ADGRL2: variants seen among roughly 807,000 people sequenced by gnomAD.
The protein encoded by ADGRL2 is adhesion G protein-coupled receptor L2.
Under a neutral mutation model 157.4 loss-of-function variants are expected in ADGRL2, and 44 were observed. The ratio of observed to expected loss-of-function variants is 0.28; its 90% CI spans 0.22 to 0.36. ADGRL2 has a LOEUF of 0.36. ADGRL2 is among the 10% of genes least tolerant of loss of function. ADGRL2 has a pLI of 1.00. For synonymous variants in ADGRL2, 585 were observed against 624.7 expected, an observed-to-expected ratio of 0.94 and a Z score of 0.95; for missense variants, 1,510 against 1,768.9, an observed-to-expected ratio of 0.85 and a Z score of 2.63.
chr1:81,957,313 A>G (rs1201916881), intron 11 of ADGRL2, among the ~76,000 whole-genome samples: 1 of 152,208 alleles, frequency 6.6e-6, no homozygotes, highest in Non-Finnish European at 1.5e-5. Context: ...TTATAGATCC[A>G]AGATATTTTT....
At chr1:81,406,063 A>G (rs2076848901) in intron 1 of ADGRL2, among the ~76,000 whole-genome samples, 1 of 152,220 alleles carries the variant, frequency 6.6e-6, no homozygotes, top group African/African-American at 2.4e-5. Context: ...CTTTAAGCAT[A>G]CATTAAAGTA....
intron 1 of ADGRL2, among the ~76,000 whole-genome samples, chr1:81,415,931 C>G (rs1229274424): frequency 6.6e-6 from 1 of 151,812 alleles, no homozygotes; most frequent in African/African-American, 2.4e-5. Context: ...AGCTCGGCCT[C>G]CCGGGTTCAT....
At chr1:81,756,232 C>T (rs1221297008) in intron 1 of ADGRL2, among the ~76,000 whole-genome samples, 1 of 152,130 alleles carries the variant, frequency 6.6e-6, no homozygotes, top group Non-Finnish European at 1.5e-5. Flanking sequence ...CTCATATCTT[C>T]CATAAAACTA....
intron 2 of ADGRL2, among the ~76,000 whole-genome samples, chr1:81,790,073 A>C (rs1340924999): frequency 6.6e-6 from 1 of 152,174 alleles, no homozygotes; most frequent in African/African-American, 2.4e-5. Flanking sequence ...TGTTGATTCC[A>C]ATTTCTGAGG....
intron 1 of ADGRL2, among the ~76,000 whole-genome samples, chr1:81,746,960 ATATACACACG>A (rs1316385261): frequency 6.8e-6 from 1 of 146,818 alleles, no homozygotes; most frequent in Non-Finnish European, 1.5e-5. Flanking sequence ...GTATATACGT[ATATACACACG>A]TATACACACG....
intron 2 of ADGRL2, among the ~76,000 whole-genome samples, chr1:81,895,635 T>C (rs969147258): frequency 2.6e-5 from 4 of 152,122 alleles, no homozygotes; most frequent in Admixed American, 6.6e-5. Flanking sequence ...CCTCAGGTGA[T>C]CCACCTGCCT....
At chr1:81,875,187 A>G (rs1383212102) in intron 2 of ADGRL2, among the ~76,000 whole-genome samples, 1 of 152,140 alleles carries the variant, frequency 6.6e-6, no homozygotes, top group African/African-American at 2.4e-5. Flanking sequence ...TGGGTCGTTT[A>G]TAAGTAGCTG....
chr1:81,730,067 C>A (rs141292321), intron 1 of ADGRL2, among the ~76,000 whole-genome samples: 69 of 151,938 alleles, frequency 4.5e-4, no homozygotes, highest in African/African-American at 1.5e-3. Context: ...TCCAGTGATC[C>A]TAGGAAGGCA....
At chr1:81,549,465 C>T (rs2080092991) in intron 2 of ADGRL2, among the ~76,000 whole-genome samples, 2 of 152,170 alleles carry the variant, frequency 1.3e-5, no homozygotes, top group Admixed American at 6.5e-5. Context: ...TTATCACCTG[C>T]AAATGGTCTC....
rs189802854 is a variant in ADGRL2 at position 81,642,040 on chromosome 1, A to G, written c.-143+61060A>G. On this transcript the variant is annotated intron_variant, in intron 3 of 24. Transcript: ENST00000370721. ...ATTAAAAGGATGATAAAAGAATACT[A>G]TGCAGCCTGGCCAACATGGCAAAAC... Among the ~76,000 whole-genome samples the G allele has an allele frequency of 1.7e-3, 263 of 151,456 alleles. 4 individuals are homozygous for G. Among genetic ancestry groups the G allele is most frequent in the Non-Finnish European group, 7.5e-4 (51 of 67,842 alleles).
intron 2 of ADGRL2, among the ~76,000 whole-genome samples, chr1:81,869,715 A>G (rs114562065): frequency 0.076 from 11,583 of 152,018 alleles, 523 homozygotes; most frequent in South Asian, 0.16. Context: ...TAAAAAAAAA[A>G]TATAATTTGT....
At chr1:81,747,121 G>GTATACA (rs2085306741) in intron 1 of ADGRL2, among the ~76,000 whole-genome samples, 2 of 125,510 alleles carry the variant, frequency 1.6e-5, no homozygotes, top group African/African-American at 5.9e-5. Flanking sequence ...GTATATATGT[G>GTATACA]TATATATGTA....
intron 1 of ADGRL2, among the ~76,000 whole-genome samples, chr1:81,805,347 A>ATT (rs983921069): frequency 2.6e-5 from 4 of 152,046 alleles, no homozygotes; most frequent in African/African-American, 9.7e-5. Flanking sequence ...AATTTACAAA[A>ATT]CTTAATTCTA....
intron 1 of ADGRL2, among the ~76,000 whole-genome samples, chr1:81,404,489 A>C (rs2076818566): frequency 6.6e-6 from 1 of 152,178 alleles, no homozygotes; most frequent in Admixed American, 6.5e-5. Flanking sequence ...GAGGACATGG[A>C]GGCATAAGGA....
intron 2 of ADGRL2, among the ~76,000 whole-genome samples, chr1:81,464,314 T>TC (rs966264612): frequency 6.6e-6 from 1 of 151,676 alleles, no homozygotes; most frequent in Non-Finnish European, 1.5e-5. Flanking sequence ...ACGCACTCCA[T>TC]CCCCCCAACC....
At chr1:81,497,396 G>GT (rs575143561) in intron 2 of ADGRL2, among the ~76,000 whole-genome samples, 212 of 148,192 alleles carry the variant, frequency 1.4e-3, no homozygotes, top group Non-Finnish European at 1.8e-3. Context: ...TGTTGCTATG[G>GT]TTTTTTTTTT....
rs1336037533 is a variant in ADGRL2, at chr1:81,959,577, A to AT, written c.2017+3521dup. Reference sequence around the variant, plus strand: ...ACTTAACTCCTCTCACTCTTGTAATATTTTAAAGCAAATTGTAAAATCCTA... The same window carrying AT: ...ACTTAACTCCTCTCACTCTTGTAATATTTTTAAAGCAAATTGTAAAATCCTA... On this transcript the variant is annotated intron_variant, in intron 11 of 23. Coordinates refer to ENST00000686636, the MANE Select transcript of ADGRL2 (RefSeq NM_001366006.2). Among the ~76,000 whole-genome samples, 3 of 152,268 alleles carry AT rather than the reference A, an allele frequency of 2.0e-5. No homozygotes were observed. In the East Asian group the frequency reaches 5.8e-4, roughly 29 times the overall value.
intron 3 of ADGRL2, among the ~76,000 whole-genome samples, chr1:81,591,350 G>A (rs1311006487): frequency 6.6e-6 from 1 of 152,140 alleles, no homozygotes; most frequent in African/African-American, 2.4e-5. Context: ...CAGGAAGCTT[G>A]CTTAGGCTGA....
chr1:81,527,331 A>G (rs142891492), intron 2 of ADGRL2, among the ~76,000 whole-genome samples: 17 of 152,262 alleles, frequency 1.1e-4, no homozygotes, highest in African/African-American at 2.9e-4. Context: ...TTACTCCCCA[A>G]TGAGATAATA....
Sources: gnomAD v4.1 joint callset for allele counts (sites outside exome capture counted in the v4.1 genomes callset) on GRCh38, gnomAD v4.1.1 for gene constraint, MANE v1.5 for transcripts, NCBI Gene and HGNC (gene_info 2026-07-23, HGNC 2026-07-21) for gene names.